Variants in BBS9 observed in about 807,000 individuals in gnomAD.
BBS9 encodes protein PTHB1.
Under a neutral mutation model 117.7 loss-of-function variants are expected in BBS9, and 89 were observed. That is an observed-to-expected ratio of 0.76 (90% confidence interval 0.64 to 0.90). The LOEUF (loss-of-function observed/expected upper bound fraction) is 0.90, where lower values mean the gene tolerates loss of function less well. Ranked by LOEUF, BBS9 falls within the 40% of genes least tolerant of loss-of-function variation. The probability of loss-of-function intolerance (pLI) is 0.00; values close to 1 mark genes in which losing one functional copy is unlikely to be tolerated. For synonymous variants in BBS9, 379 were observed against 370.9 expected (o/e 1.02, Z -0.25); for missense variants, 982 against 1,042.2 (o/e 0.94, Z 0.80).
chr7:33,596,299 C>CACACACACACACACACACACACAT (rs1491153351), intron 21 of BBS9, among the ~76,000 whole-genome samples: 3 of 143,456 alleles, frequency 2.1e-5, no homozygotes, highest in African/African-American at 7.9e-5. Flanking sequence ...CACACACACA[C>CACACACACACACACACACACACAT]TTATATATGT....
rs1818607956 is a variant in BBS9 at position 33,351,326 on chromosome 7, A to G, written c.1537+3A>G. The G allele has an allele frequency of 1.3e-6, 2 of 1,574,256 alleles. No individual in the cohort carries two copies. Among genetic ancestry groups the G allele is most frequent in the Non-Finnish European group, 1.7e-6 (2 of 1,143,792 alleles). The stretch of plus-strand genomic sequence containing the variant: ...TGTTTCTTATTCCAGACCAACAGGT[A>G]AACATACAGGCTTAATCATTACTTT... On this transcript the variant is annotated splice_donor_region_variant and intron_variant, in intron 14 of 22. Transcript: ENST00000242067.
chr7:33,562,722 G>A (rs1403800305), intron 21 of BBS9, among the ~76,000 whole-genome samples: 1 of 152,106 alleles, frequency 6.6e-6, no homozygotes, highest in African/African-American at 2.4e-5. Flanking sequence ...TCAGGAGATC[G>A]AGACCATCCT....
intron 9 of BBS9, among the ~76,000 whole-genome samples, chr7:33,292,642 A>T (rs1203798397): frequency 1.8e-4 from 27 of 152,202 alleles, no homozygotes. Context: ...GATAATTGCA[A>T]TTTGAACTTA....
chr7:33,245,164 T>C (rs995991055), intron 5 of BBS9, among the ~76,000 whole-genome samples: 1 of 152,164 alleles, frequency 6.6e-6, no homozygotes, highest in Non-Finnish European at 1.5e-5. Context: ...CACAATTTAT[T>C]CTTTGTGGTT....
At chr7:33,327,513 A>G (rs115580831) in intron 9 of BBS9, among the ~76,000 whole-genome samples, 1,763 of 152,244 alleles carry the variant, frequency 0.012, 42 homozygotes, top group African/African-American at 0.041. Flanking sequence ...CAGACCTGCA[A>G]CATAGCAAGA....
At chr7:33,532,208 G>A (rs548776441) in intron 20 of BBS9, among the ~76,000 whole-genome samples, 1 of 152,330 alleles carries the variant, frequency 6.6e-6, no homozygotes, top group South Asian at 2.1e-4. Context: ...ATAGAGGTTA[G>A]GGCATTGTAG....
At chr7:33,145,614 A>G (rs1387340017) in intron 1 of BBS9, among the ~76,000 whole-genome samples, 2 of 152,170 alleles carry the variant, frequency 1.3e-5, no homozygotes, top group African/African-American at 2.4e-5. Flanking sequence ...TCACTAATGC[A>G]TTTGATCTCA....
intron 21 of BBS9, among the ~76,000 whole-genome samples, chr7:33,590,559 C>T (rs1342852526): frequency 6.8e-6 from 1 of 147,522 alleles, no homozygotes; most frequent in Non-Finnish European, 1.5e-5. Flanking sequence ...AGTTGCTGCT[C>T]TGTCTTCCTA....
chr7:33,328,205 T>A (rs540776996), intron 9 of BBS9, among the ~76,000 whole-genome samples: 1 of 152,244 alleles, frequency 6.6e-6, no homozygotes, highest in African/African-American at 2.4e-5. Context: ...ATCCACCTTC[T>A]GCATCCTCTG....
intron 5 of BBS9, among the ~76,000 whole-genome samples, chr7:33,252,405 C>G (rs1796354684): frequency 6.6e-6 from 1 of 152,178 alleles, no homozygotes; most frequent in African/African-American, 2.4e-5. Flanking sequence ...TCCTATCATG[C>G]TAAGGTAGTG....
intron 19 of BBS9, among the ~76,000 whole-genome samples, chr7:33,398,794 G>A (rs1325017089): frequency 1.3e-5 from 2 of 151,948 alleles, no homozygotes; most frequent in Non-Finnish European, 2.9e-5. Flanking sequence ...GCTAGAGTAC[G>A]GTGGCATTAT....
At position 33,367,766 on chromosome 7, in the gene BBS9, G is replaced by A. The variant is rs749560407; in HGVS notation, c.1694-1G>A. 6.2e-7 allele frequency: 1 copy of A among 1,613,622 alleles called. No individual in the cohort carries two copies. The highest frequency in any genetic ancestry group is 8.5e-7 in the Non-Finnish European group (1 of 1,179,670). On this transcript the variant is annotated splice_acceptor_variant, in intron 16 of 22. Coordinates refer to ENST00000242067, the MANE Select transcript of BBS9 (RefSeq NM_198428.3). LOFTEE classifies it high-confidence loss of function. ...AGGTGATTTCTCTCTTTTCTTTGTA[G>A]GTTTTGCCAGTCAGTCAGATGATGA...
At chr7:33,254,871 T>C (rs946971311) in intron 5 of BBS9, among the ~76,000 whole-genome samples, 1 of 152,178 alleles carries the variant, frequency 6.6e-6, no homozygotes, top group African/African-American at 2.4e-5. Flanking sequence ...TGAGGTGATA[T>C]CTCATTGTGG....
At chr7:33,367,313 A>G (rs1353624191) in intron 16 of BBS9, among the ~76,000 whole-genome samples, 3 of 152,148 alleles carry the variant, frequency 2.0e-5, no homozygotes, top group African/African-American at 4.8e-5. Context: ...AAGTCTCTGT[A>G]TGAACTCATG....
At chr7:33,200,328 C>A in intron 5 of BBS9, among the ~76,000 whole-genome samples, 1 of 152,146 alleles carries the variant, frequency 6.6e-6, no homozygotes, top group East Asian at 1.9e-4. Context: ...TTAAGTCTCT[C>A]AACCTCTATC....
chr7:33,376,558 C>T (rs1443895566), intron 17 of BBS9, among the ~76,000 whole-genome samples: 1 of 152,136 alleles, frequency 6.6e-6, no homozygotes, highest in Non-Finnish European at 1.5e-5. Flanking sequence ...GGTATATACC[C>T]AGTAATGGGA....
intron 19 of BBS9, among the ~76,000 whole-genome samples, chr7:33,486,971 A>G (rs1006229599): frequency 1.3e-5 from 2 of 152,240 alleles, no homozygotes; most frequent in Non-Finnish European, 2.9e-5. Flanking sequence ...GTCTTACCCC[A>G]CTGGGGTATC....
At chr7:33,309,684 T>C (rs995704173) in intron 9 of BBS9, among the ~76,000 whole-genome samples, 1 of 152,170 alleles carries the variant, frequency 6.6e-6, no homozygotes, top group South Asian at 2.1e-4. Flanking sequence ...GAAATAAATG[T>C]ATATGAAAGT....
At chr7:33,279,027 G>A (rs550084345) in intron 9 of BBS9, among the ~76,000 whole-genome samples, 3 of 152,206 alleles carry the variant, frequency 2.0e-5, no homozygotes, top group African/African-American at 7.2e-5. Flanking sequence ...TACTAACTTA[G>A]CTATAGCTTA....
Sources: allele counts gnomAD v4.1 joint callset (sites outside exome capture counted in the v4.1 genomes callset), GRCh38; gene constraint gnomAD v4.1.1; transcripts MANE v1.5; gene names NCBI Gene and HGNC (gene_info 2026-07-23, HGNC 2026-07-21).